The following SLC29A1 variants were observed in gnomAD, a reference collection of about 807,000 sequenced individuals.
SLC29A1 encodes the protein solute carrier family 29 member 1 (Augustine blood group).
In SLC29A1, 22 loss-of-function variants were observed where a neutral mutation model predicts 48.3. The ratio of observed to expected loss-of-function variants is 0.46; its 90% CI spans 0.33 to 0.65. The LOEUF (loss-of-function observed/expected upper bound fraction) is 0.65. SLC29A1 is among the 30% of genes least tolerant of loss of function. The probability of loss-of-function intolerance (pLI) is 0.03; values close to 1 mark genes in which losing one functional copy is unlikely to be tolerated. For synonymous variants in SLC29A1, 228 were observed against 231.0 expected, an observed-to-expected ratio of 0.99 and a Z score of 0.12; for missense variants, 491 against 575.3, an observed-to-expected ratio of 0.85 and a Z score of 1.50.
In SLC29A1 at chr6:44,233,997, C is replaced by A. The variant is rs3734703; in HGVS notation, c.*469C>A. ...CTCCTCCTCTGTGTTCTCTCCATGT[C>A]CCCCTCCCAACTCCCCATGCCCAGT... On this transcript the variant is annotated 3_prime_UTR_variant, in exon 13 of 13. Transcript: ENST00000371755. The A allele has an allele frequency of 0.018, 2,959 of 163,020 alleles. 255 individuals carry two copies. The East Asian group carries it at 0.25, about 14-fold the overall frequency. The allele number at this position is 163,020 out of a possible 1,614,324, so 10.1% of individuals were successfully genotyped here. A position where few individuals can be genotyped will look rare whatever the true frequency, so the allele number is the denominator to read the frequency against.
At chr6:44,233,178 C>T (rs953508952) in intron 12 of SLC29A1, among the ~76,000 whole-genome samples, 172 bp downstream of exon 12, 14 of 151,914 alleles carry the variant, frequency 9.2e-5, no homozygotes, top group Admixed American at 7.9e-4. Flanking sequence ...TGGAGGGGGG[C>T]GCCAAGCTTA....
chr6:44,228,299 C>T (rs910021436), intron 2 of SLC29A1, among the ~76,000 whole-genome samples: 2 of 152,226 alleles, frequency 1.3e-5, no homozygotes, highest in Non-Finnish European at 2.9e-5. Flanking sequence ...CATTTCCCAG[C>T]GTACTCCCCC....
chr6:44,221,517 A>G (rs1050025210), upstream of SLC29A1: 1 of 796,912 alleles, frequency 1.3e-6, no homozygotes, highest in Non-Finnish European at 1.8e-6. This position sits in a 1 kb window ranked among gnomAD's most constrained non-coding sequence, Gnocchi z 4.2. Flanking sequence ...GGTCCCATAT[A>G]GGGTGGTGAA....
At chr6:44,227,156 T>C (rs1158774069) in intron 1 of SLC29A1, 107 bp from the exon 2 acceptor site, 16 of 1,384,672 alleles carry the variant, frequency 1.2e-5, no homozygotes, top group Non-Finnish European at 1.6e-5. Context: ...CTTACTGGAC[T>C]CCTCCACTGG....
intron 12 of SLC29A1, 122 bp downstream of exon 12, chr6:44,233,128 C>T (rs1003999152): frequency 9.3e-7 from 1 of 1,077,180 alleles, no homozygotes; most frequent in Non-Finnish European, 1.4e-6. Context: ...GGAGAGATGG[C>T]TCAGGAGGGG....
At chr6:44,231,588 TGTGC>T in intron 9 of SLC29A1, 127 bp downstream of exon 9, 5 of 680,332 alleles carry the variant, frequency 7.3e-6, no homozygotes, top group Middle Eastern at 2.7e-4. Flanking sequence ...TTCTTTTGTG[TGTGC>T]GTGCGTGCCC....
chr6:44,232,785 A>C lies in SLC29A1; in HGVS notation c.1060-22A>C. ...TGCCCTGGGGTGGCGGCCTGGGCTG[A>C]GGCCCTGCCTGGTGCCCACAGCCTG... On this transcript the variant is annotated intron_variant, in intron 11 of 12. Coordinates refer to ENST00000371755, the MANE Select transcript of SLC29A1 (RefSeq NM_001372327.1). This position sits in a 1 kb window ranked among gnomAD's most constrained non-coding sequence, Gnocchi z 4.7. The C allele has an allele frequency of 6.2e-7, 1 of 1,603,864 alleles. No homozygotes were observed. Among genetic ancestry groups the C allele is most frequent in the Non-Finnish European group, 8.5e-7 (1 of 1,178,162 alleles).
chr6:44,223,657 G>C lies in SLC29A1; in HGVS notation c.-52+16G>C. On this transcript the variant is annotated intron_variant, in intron 1 of 12. Transcript: ENST00000371755. This position sits in a 1 kb window ranked among gnomAD's most constrained non-coding sequence, Gnocchi z 5.0. The stretch of plus-strand genomic sequence containing the variant: ...TCTGCGGCAGGTGCTGCCCGGGGCC[G>C]GGGACTGGGGACTGGGGACTGCCGG... 8.6e-7 allele frequency: 1 copy of C among 1,168,380 alleles called. No individual in the cohort carries two copies. Among genetic ancestry groups the C allele is most frequent in the South Asian group, 1.5e-5 (1 of 65,420 alleles). The allele number at this position is 1,168,380 out of a possible 1,614,324, so 72.4% of individuals were successfully genotyped here.
chr6:44,227,487 C>A (rs544602682), intron 2 of SLC29A1, 145 bp downstream of exon 2: 2 of 703,668 alleles, frequency 2.8e-6, no homozygotes, highest in Non-Finnish European at 5.0e-6. Context: ...GGGGTGGGGA[C>A]CCCGTGTGCC....
chr6:44,224,774 C>G (rs564307923), intron 1 of SLC29A1, among the ~76,000 whole-genome samples: 14 of 152,260 alleles, frequency 9.2e-5, no homozygotes, highest in African/African-American at 3.1e-4. Context: ...AATTTGGTGG[C>G]TACTTTCAGG....
At position 44,232,124 on chromosome 6, in the gene SLC29A1, T is replaced by C. The variant is rs1284526334; in HGVS notation, c.973+18T>C. 1 of 1,577,206 alleles carries C rather than the reference T, an allele frequency of 6.3e-7. No homozygotes were observed. Among genetic ancestry groups the C allele is most frequent in the Non-Finnish European group, 8.7e-7 (1 of 1,146,472 alleles). Reference sequence around the variant, plus strand: ...CACCTGGGGTGAGGATGCCACAGGTTTCCAGGATGGGAACAGACAGGATCT... The same window carrying C: ...CACCTGGGGTGAGGATGCCACAGGTCTCCAGGATGGGAACAGACAGGATCT... On this transcript the variant is annotated intron_variant, in intron 10 of 12. Coordinates refer to ENST00000371755, the MANE Select transcript of SLC29A1 (RefSeq NM_001372327.1). This position sits in a 1 kb window ranked among gnomAD's most constrained non-coding sequence, Gnocchi z 4.7.
Position 44,230,494 on chromosome 6 carries a change from A to G in SLC29A1, c.589+13A>G, listed in dbSNP as rs781266323. 33 of 1,613,706 alleles carry G rather than the reference A, an allele frequency of 2.0e-5. 1 individual carries two copies. The highest frequency in any genetic ancestry group is 1.8e-4 in the South Asian group (16 of 91,092). On this transcript the variant is annotated intron_variant, in intron 6 of 12. Coordinates refer to ENST00000371755, the MANE Select transcript of SLC29A1 (RefSeq NM_001372327.1). ...TGCGCTATTGCCAGTAAGTCCGGCT[A>G]TCTACCTGCCCAGTGCCCTGGTGTG...
At chr6:44,220,344 ATTTTTTT>A (rs3997542), upstream of SLC29A1, among the ~76,000 whole-genome samples, 6 of 126,498 alleles carry the variant, frequency 4.7e-5, no homozygotes, top group South Asian at 5.4e-4. Context: ...TGCTCAGCTA[ATTTTTTT>A]TTTTTTTTTT....
In SLC29A1 at chr6:44,230,659, C is replaced by G; in HGVS notation, c.681C>G (p.Pro227=). Residue 227 remains proline (P), a synonymous_variant, in exon 7 of 13, where the codon CCC becomes CCG. Transcript: ENST00000371755. ...CCATCATCTGTTACCTGGGCCTGCC[C>G]CGCCTGGTGAGTAAATGGAGGGAGC... ...ILTIICYLGL[P]RLEFYRYYQQ... 2.5e-6 allele frequency: 4 copies of G among 1,611,348 alleles called. No individual in the cohort carries two copies. Among genetic ancestry groups the G allele is most frequent in the Non-Finnish European group, 3.4e-6 (4 of 1,178,228 alleles).
intron 1 of SLC29A1, chr6:44,226,929 T>C: frequency 9.3e-7 from 1 of 1,076,284 alleles, no homozygotes; most frequent in South Asian, 2.9e-5. Context: ...CTCCCTCCCA[T>C]CATCTTTCCT....
At chr6:44,219,724 C>T, upstream of SLC29A1, 2 of 1,289,074 alleles carry the variant, frequency 1.6e-6, no homozygotes, top group Non-Finnish European at 2.0e-6. Flanking sequence ...TAGGGGCCCG[C>T]AGGCCTGGGA....
chr6:44,232,166 T>G lies in SLC29A1; in HGVS notation c.973+60T>G. 1 of 1,413,036 alleles carries G rather than the reference T, an allele frequency of 7.1e-7. No homozygotes were observed. The allele number at this position is 1,413,036 out of a possible 1,614,324, so 87.5% of individuals were successfully genotyped here. ...ACAGGATCTTGAGTTGGGCTGGAAG[T>G]GGGGAAGGGAGGGAGCCTGGGTCAC... On this transcript the variant is annotated intron_variant, in intron 10 of 12. Transcript: ENST00000371755. The surrounding 1 kb of genome is among the most constrained non-coding windows in gnomAD (Gnocchi z 4.7).
intron 1 of SLC29A1, among the ~76,000 whole-genome samples, chr6:44,224,236 T>C (rs1776987750): frequency 6.6e-6 from 1 of 151,894 alleles, no homozygotes; most frequent in Admixed American, 6.6e-5. Flanking sequence ...CAAGGCTGGC[T>C]CCAACCCTGC....
In SLC29A1 at chr6:44,223,851, A is replaced by C; in HGVS notation, c.-52+210A>C. The C allele has an allele frequency of 1.0e-6, 1 of 997,322 alleles. No homozygotes were observed. Among genetic ancestry groups the C allele is most frequent in the Non-Finnish European group, 1.2e-6 (1 of 837,668 alleles). The allele number at this position is 997,322 out of a possible 1,614,324, so 61.8% of individuals were successfully genotyped here. ...GCCTGAGGACCCTGCGGGGACCGGGACCCAAGCTGGGCGGGGCGGCCTGGC... is the reference window on the plus strand; with the variant it reads ...GCCTGAGGACCCTGCGGGGACCGGGCCCCAAGCTGGGCGGGGCGGCCTGGC... On this transcript the variant is annotated intron_variant, in intron 1 of 12. Coordinates refer to ENST00000371755, the MANE Select transcript of SLC29A1 (RefSeq NM_001372327.1). The surrounding 1 kb of genome is among the most constrained non-coding windows in gnomAD (Gnocchi z 5.0).
Sources: gnomAD v4.1 joint callset for allele counts (sites outside exome capture counted in the v4.1 genomes callset) on GRCh38, gnomAD v4.1.1 for gene constraint, Gnocchi (gnomAD v3.1) non-coding constraint, MANE v1.5 for transcripts, NCBI Gene and HGNC (gene_info 2026-07-23, HGNC 2026-07-21) for gene names.